The following ANO1 variants were observed in gnomAD, a reference collection of about 807,000 sequenced individuals.
The protein encoded by ANO1 is anoctamin 1, also known as anoctamin-1.
In ANO1, 59 loss-of-function variants were observed where a neutral mutation model predicts 124.0. That is an observed-to-expected ratio of 0.48 (90% CI 0.39 to 0.59). The LOEUF is 0.59. Among genes scored for constraint, ANO1 ranks in the 20% least tolerant of loss-of-function variants. The pLI, the probability that ANO1 is intolerant of heterozygous loss-of-function variation, is 0.00. For missense variants in ANO1, 1,059 were observed against 1,328.0 expected (o/e 0.80, Z 3.15); for synonymous variants, 529 against 532.0 (o/e 0.99, Z 0.08).
intron 1 of ANO1, among the ~76,000 whole-genome samples, chr11:70,060,447 T>TA (rs141598685): frequency 0.045 from 6,809 of 152,248 alleles, 279 homozygotes; most frequent in East Asian, 0.23. Flanking sequence ...GAAGATGCTA[T>TA]ATGTATTAGG....
At position 70,025,542 on chromosome 11, in the gene ANO1, G is replaced by C. The variant is rs144801237; in HGVS notation, c.58+39376G>C. Among the ~76,000 whole-genome samples the C allele has an allele frequency of 5.0e-3, 763 of 151,788 alleles. 13 individuals are homozygous for C. The highest frequency in any genetic ancestry group is 0.015 in the Admixed American group (228 of 15,232). ...GATTGTGATGATGACAGTAATGATA[G>C]TGGTGATGGTGATGACAATGATGAT... On this transcript the variant is annotated intron_variant, in intron 1 of 27. Coordinates refer to the ANO1 transcript ENST00000531349.
intron 24 of ANO1, among the ~76,000 whole-genome samples, chr11:70,183,340 C>G (rs1041751245): frequency 6.6e-6 from 1 of 152,224 alleles, no homozygotes; most frequent in Non-Finnish European, 1.5e-5. Context: ...TGCTCTGCAG[C>G]CCCTGTGGGA....
chr11:69,995,100 T>TTTG (rs1554998185), intron 1 of ANO1, among the ~76,000 whole-genome samples: 48 of 139,580 alleles, frequency 3.4e-4, no homozygotes, highest in African/African-American at 1.2e-3. Context: ...ACTGTTTTTT[T>TTTG]TTTTTTTTTT....
the ANO1 span, among the ~76,000 whole-genome samples, chr11:69,974,943 T>C: frequency 3.3e-5 from 5 of 149,580 alleles, no homozygotes; most frequent in East Asian, 9.9e-4. Flanking sequence ...GGAATGACCA[T>C]GTGGGGACAC....
chr11:70,088,873 T>C (rs1441041862), intron 2 of ANO1, among the ~76,000 whole-genome samples: 1 of 152,216 alleles, frequency 6.6e-6, no homozygotes, highest in African/African-American at 2.4e-5. Context: ...TCCGTGGCTC[T>C]GTAACACTGT....
intron 8 of ANO1, among the ~76,000 whole-genome samples, chr11:70,121,908 GTCTC>G (rs1476200223): frequency 7.6e-5 from 7 of 92,564 alleles, no homozygotes; most frequent in Admixed American, 1.2e-4. Context: ...CTCTCTGTCT[GTCTC>G]TCTATCTCTG....
chr11:70,042,629 A>G (rs1555005191), intron 1 of ANO1, among the ~76,000 whole-genome samples: 1 of 152,174 alleles, frequency 6.6e-6, no homozygotes, highest in African/African-American at 2.4e-5. Context: ...TAAGCATGAG[A>G]GGAAACTACC....
At chr11:70,026,460 T>G (rs1379832671) in intron 1 of ANO1, among the ~76,000 whole-genome samples, 1 of 151,592 alleles carries the variant, frequency 6.6e-6, no homozygotes, top group Non-Finnish European at 1.5e-5. Flanking sequence ...ACAATGGTGA[T>G]GATGGTGAAG....
At chr11:70,174,602 T>A (rs900524565) in intron 22 of ANO1, among the ~76,000 whole-genome samples, 4 of 152,106 alleles carry the variant, frequency 2.6e-5, no homozygotes, top group Non-Finnish European at 4.4e-5. Flanking sequence ...AACCTCAGCC[T>A]GTTGTGTCCT....
intron 1 of ANO1, among the ~76,000 whole-genome samples, chr11:70,017,601 G>C (rs1443834345): frequency 1.3e-5 from 2 of 150,168 alleles, no homozygotes; most frequent in African/African-American, 4.9e-5. Flanking sequence ...CTGCAGCCTT[G>C]ACTCCCAAGC....
chr11:70,091,617 G>C (rs906388464), intron 2 of ANO1, among the ~76,000 whole-genome samples: 13 of 152,186 alleles, frequency 8.5e-5, no homozygotes, highest in Non-Finnish European at 1.8e-4. Context: ...GGGGACAGAT[G>C]AGCAAGACGG....
chr11:69,979,446 A>G, the ANO1 span, among the ~76,000 whole-genome samples: 3 of 152,230 alleles, frequency 2.0e-5, no homozygotes, highest in Non-Finnish European at 4.4e-5. Flanking sequence ...TGAGCAAGCC[A>G]TTCTTCCTCT....
At chr11:70,171,067 C>A in intron 22 of ANO1, 28 bp downstream of exon 22, 1 of 1,605,392 alleles carries the variant, frequency 6.2e-7, no homozygotes, top group South Asian at 1.1e-5. Context: ...CCGGCAGAAC[C>A]GGTTCCGAGT....
intron 1 of ANO1, among the ~76,000 whole-genome samples, chr11:70,017,639 C>G (rs377739489): frequency 6.6e-6 from 1 of 151,966 alleles, no homozygotes; most frequent in Non-Finnish European, 1.5e-5. Flanking sequence ...CTCAGCCTTC[C>G]GAGTAGCTGG....
intron 1 of ANO1, among the ~76,000 whole-genome samples, chr11:70,068,211 G>T (rs151184392): frequency 6.6e-6 from 1 of 152,346 alleles, no homozygotes; most frequent in Non-Finnish European, 1.5e-5. Flanking sequence ...CCCCTAGGGA[G>T]AACCTGTTTG....
chr11:70,075,454 A>C (rs183977697), upstream of ANO1: 15 of 145,238 alleles, frequency 1.0e-4, no homozygotes, highest in East Asian at 2.9e-3. Flanking sequence ...AAATTCATGA[A>C]GCATTCCATA....
At chr11:70,124,505 C>T in intron 9 of ANO1, 91 bp downstream of exon 9, 9 of 1,336,614 alleles carry the variant, frequency 6.7e-6, no homozygotes, top group Non-Finnish European at 9.6e-6. Context: ...TCTGAATGTT[C>T]AGTACCCGGG....
chr11:70,046,024 C>T (rs1857255112), intron 1 of ANO1, among the ~76,000 whole-genome samples: 1 of 152,154 alleles, frequency 6.6e-6, no homozygotes, highest in African/African-American at 2.4e-5. Flanking sequence ...CCCCAGATCA[C>T]TGGGACTCTG....
chr11:70,095,071 T>G (rs1170265699), intron 2 of ANO1, among the ~76,000 whole-genome samples: 1 of 151,940 alleles, frequency 6.6e-6, no homozygotes, highest in African/African-American at 2.4e-5. Flanking sequence ...CCGGGCGTGG[T>G]GGCTGGCGCC....
Sources: allele counts gnomAD v4.1 joint callset (sites outside exome capture counted in the v4.1 genomes callset), GRCh38; gene constraint gnomAD v4.1.1; transcripts MANE v1.5; gene names NCBI Gene and HGNC (gene_info 2026-07-23, HGNC 2026-07-21).